The following CCDC18 variants were observed in gnomAD, a reference collection of about 807,000 sequenced individuals.
The protein encoded by CCDC18 is coiled-coil domain-containing protein 18.
CCDC18 carries 157 observed loss-of-function variants against 196.0 expected under a neutral mutation model. The observed-to-expected ratio is 0.80, with a 90% confidence interval of 0.70 to 0.91. CCDC18 has a LOEUF of 0.91. CCDC18 is among the 40% of genes least tolerant of loss of function. The pLI, the probability that CCDC18 is intolerant of heterozygous loss-of-function variation, is 0.00. For missense variants in CCDC18, 1,465 were observed against 1,611.6 expected (o/e 0.91, Z 1.56); for synonymous variants, 482 against 529.2 (o/e 0.91, Z 1.22).
intron 7 of CCDC18, among the ~76,000 whole-genome samples, chr1:93,203,283 C>G (rs1366286155): frequency 1.3e-5 from 2 of 152,074 alleles, no homozygotes; most frequent in East Asian, 3.9e-4. Context: ...ATGATTGCAT[C>G]ATGAATCAAA....
chr1:93,236,456 C>A, intron 19 of CCDC18, 66 bp downstream of exon 19: 1 of 1,465,498 alleles, frequency 6.8e-7, no homozygotes, highest in Admixed American at 2.3e-5. Flanking sequence ...GTTTTGAAAT[C>A]AGATAATGTT....
At position 93,264,779 on chromosome 1, in the gene CCDC18, G is replaced by C. The variant is rs374437948; in HGVS notation, c.3763G>C (p.Glu1255Gln). Residue 1255 changes from glutamate to glutamine, a missense_variant, in exon 27 of 29, where the codon GAA becomes CAA. Transcript: ENST00000690025. ...SQKSSVQQLN[E>Q]QLEKAKLELE... ...AAAGTCTTCTGTTCAGCAACTAAAC[G>C]AACAGTTAGAGAAGGCAAAATTGGA... is the stretch of plus-strand genomic sequence containing the variant. 8 of 1,612,894 alleles carry C rather than the reference G, an allele frequency of 5.0e-6. No homozygotes were observed. The South Asian group carries it at 8.8e-5, about 18-fold the overall frequency.
rs528346009 is a variant in CCDC18 at position 93,248,058 on chromosome 1, C to T, written c.3198+1104C>T. Reference sequence around the variant, plus strand: ...TGAGATGGAGTCTTGCTCTGTCACCCGGGCTAGAGTGCAGTGGCTTGATCT... The same window carrying T: ...TGAGATGGAGTCTTGCTCTGTCACCTGGGCTAGAGTGCAGTGGCTTGATCT... On this transcript the variant is annotated intron_variant, in intron 23 of 28. Coordinates refer to ENST00000690025, the MANE Select transcript of CCDC18 (RefSeq NM_001378204.1). 4.9e-5 allele frequency among the ~76,000 whole-genome samples: 7 copies of T among 142,710 alleles called. No individual in the cohort carries two copies. The East Asian group carries it at 8.1e-4, about 16-fold the overall frequency. The allele number at this position is 142,710 out of a possible 152,430, so 93.6% of individuals were successfully genotyped here.
chr1:93,244,470 CAT>C (rs1461937255), intron 21 of CCDC18, among the ~76,000 whole-genome samples: 1 of 152,204 alleles, frequency 6.6e-6, no homozygotes, highest in African/African-American at 2.4e-5. Context: ...AAGCCAGACA[CAT>C]GTTGCATAAT....
At chr1:93,193,786 A>G (rs1233910357) in intron 6 of CCDC18, 42 bp downstream of exon 6, 2 of 1,456,430 alleles carry the variant, frequency 1.4e-6, no homozygotes, top group Non-Finnish European at 1.8e-6. Context: ...GAAAGGGAAT[A>G]AAAGGAAATA....
intron 25 of CCDC18, among the ~76,000 whole-genome samples, chr1:93,257,673 A>G (rs1468425335): frequency 1.3e-5 from 2 of 152,132 alleles, no homozygotes; most frequent in African/African-American, 4.8e-5. Flanking sequence ...TTAGAGATAT[A>G]TTATACATTT....
At chr1:93,252,226 G>A (rs1369595235) in intron 23 of CCDC18, among the ~76,000 whole-genome samples, 1 of 152,076 alleles carries the variant, frequency 6.6e-6, no homozygotes, top group Non-Finnish European at 1.5e-5. Flanking sequence ...TTTATTTTAA[G>A]TGATGGAGTT....
At chr1:93,198,833 A>G in intron 6 of CCDC18, among the ~76,000 whole-genome samples, 1 of 152,098 alleles carries the variant, frequency 6.6e-6, no homozygotes, top group Non-Finnish European at 1.5e-5. Context: ...TTTTTTTTAC[A>G]CATGGGTCTC....
rs1429446208 is a variant in CCDC18 at position 93,246,875 on chromosome 1, G to A, written c.3119G>A (p.Gly1040Glu). ...GATATGACTATTCGTGAGCACAGAG[G>A]AGAAATGGAACAAAAAATAATTAAA... is the stretch of plus-strand genomic sequence containing the variant. ...HLDMTIREHR[G>E]EMEQKIIKLE... The change falls in exon 23 of 29, where the codon GGA becomes GAA. Residue 1040 changes from glycine to glutamate, a missense_variant. Coordinates refer to ENST00000690025, the MANE Select transcript of CCDC18 (RefSeq NM_001378204.1). The A allele has an allele frequency of 3.2e-6, 5 of 1,550,474 alleles. No homozygotes were observed. The African/African-American group carries it at 6.9e-5, about 21-fold the overall frequency.
chr1:93,190,930 T>C lies in CCDC18; in HGVS notation c.463-1070T>C, dbSNP rs966278309. On this transcript the variant is annotated intron_variant, in intron 4 of 28. Coordinates refer to ENST00000690025, the MANE Select transcript of CCDC18 (RefSeq NM_001378204.1). Reference sequence around the variant, plus strand: ...AGTCTGCCCACCATAACCACTCTGCTTCCTGTCATATCGACACTTTCCCTG... The same window carrying C: ...AGTCTGCCCACCATAACCACTCTGCCTCCTGTCATATCGACACTTTCCCTG... 8 of 797,208 alleles carry C rather than the reference T, an allele frequency of 1.0e-5. No homozygotes were observed. The African/African-American group carries it at 1.3e-4, about 13-fold the overall frequency. 49.4% of individuals were successfully genotyped at this position (797,208 alleles called of 1,614,324 possible).
Position 93,250,378 on chromosome 1 carries a change from CAAAAAAA to C in CCDC18, c.3198+3437_3198+3443del, listed in dbSNP as rs71094242. ...CCTGGGCATCAGAGTGAGACCCTGT[CAAAAAAA>C]AAAAAAAAAAAAGAAAAGAGAGAAA... On this transcript the variant is annotated intron_variant, in intron 23 of 28. Transcript: ENST00000690025. Among the ~76,000 whole-genome samples the C allele has an allele frequency of 2.0e-4, 18 of 89,434 alleles. No homozygotes were observed. The South Asian group carries it at 3.0e-3, about 15-fold the overall frequency. The allele number at this position is 89,434 out of a possible 152,430, so 58.7% of individuals were successfully genotyped here. A position where few individuals can be genotyped will look rare whatever the true frequency, so the allele number is the denominator to read the frequency against.
intron 25 of CCDC18, among the ~76,000 whole-genome samples, chr1:93,258,352 C>G (rs1238104936): frequency 1.3e-5 from 2 of 151,948 alleles, no homozygotes; most frequent in Admixed American, 1.3e-4. Context: ...GCACAGTTAG[C>G]TAAATTAGCA....
rs755523670 is a variant in CCDC18, at chr1:93,254,468, C to A, written c.3199-3C>A. 1.3e-6 allele frequency: 2 copies of A among 1,560,622 alleles called. No homozygotes were observed. The highest frequency in any genetic ancestry group is 2.3e-5 in the South Asian group (2 of 86,064). On this transcript the variant is annotated splice_region_variant and splice_polypyrimidine_tract_variant and intron_variant, in intron 23 of 28. Transcript: ENST00000690025. ...TGATACTGCTTATCTGTTTAAAATT[C>A]AGATAGAAAGTCTGAATGACAAATT...
intron 8 of CCDC18, among the ~76,000 whole-genome samples, chr1:93,206,518 G>A (rs1481591065): frequency 1.3e-5 from 2 of 152,020 alleles, no homozygotes; most frequent in South Asian, 2.1e-4. Context: ...AAATAAATTG[G>A]TTAAGATATT....
At chr1:93,189,393 T>C (rs1474905261) in intron 4 of CCDC18, among the ~76,000 whole-genome samples, 1 of 152,236 alleles carries the variant, frequency 6.6e-6, no homozygotes, top group Non-Finnish European at 1.5e-5. Flanking sequence ...CTTAGGTTGC[T>C]TCTAAATCTT....
At position 93,214,805 on chromosome 1, in the gene CCDC18, A is replaced by G; in HGVS notation, c.1558A>G (p.Arg520Gly). The change falls in exon 12 of 29, where the codon AGA becomes GGA. Residue 520 changes from arginine to glycine, a missense_variant. By Grantham distance (125) the Arg-to-Gly change is moderately radical. Transcript: ENST00000690025. ...CAAGCAATATGAAAAAGAGAGGCAAAGACTTGTTACTGGAATAGAAGAACT... is the reference window on the plus strand; with the variant it reads ...CAAGCAATATGAAAAAGAGAGGCAAGGACTTGTTACTGGAATAGAAGAACT... Reference protein sequence around the residue: ...MNKQYEKERQRLVTGIEELRT... With the variant: ...MNKQYEKERQGLVTGIEELRT... 6.2e-7 allele frequency: 1 copy of G among 1,613,434 alleles called. No homozygotes were observed. The highest frequency in any genetic ancestry group is 8.5e-7 in the Non-Finnish European group (1 of 1,179,746).
intron 10 of CCDC18, among the ~76,000 whole-genome samples, chr1:93,211,598 T>C (rs1655661661): frequency 6.6e-6 from 1 of 152,204 alleles, no homozygotes; most frequent in Non-Finnish European, 1.5e-5. Context: ...TACCGTATAC[T>C]GTGTGCAATT....
chr1:93,186,387 C>T lies in CCDC18; in HGVS notation c.346C>T (p.Leu116Phe). The T allele has an allele frequency of 6.2e-7, 1 of 1,612,048 alleles. No homozygotes were observed. The highest frequency in any genetic ancestry group is 8.5e-7 in the Non-Finnish European group (1 of 1,178,814). The change falls in exon 4 of 29, where the codon CTT becomes TTT. Residue 116 changes from leucine (L) to phenylalanine (F), a missense_variant. Physicochemically the swap from Leu to Phe is conservative, Grantham distance 22 (BLOSUM62 0). Coordinates refer to ENST00000690025, the MANE Select transcript of CCDC18 (RefSeq NM_001378204.1). ...SAPVDQEIKSLREKLNKLRQQ... is the reference protein window; with the variant it reads ...SAPVDQEIKSFREKLNKLRQQ... ...CCCTGTGGATCAGGAGATTAAAAGC[C>T]TTCGAGAGAAACTAAATAAACTTAG...
intron 6 of CCDC18, among the ~76,000 whole-genome samples, chr1:93,194,274 G>A (rs997998296): frequency 2.0e-5 from 3 of 151,992 alleles, no homozygotes; most frequent in African/African-American, 7.2e-5. Flanking sequence ...CTCTGTCCAA[G>A]GAACCATTAA....
Sources: allele counts gnomAD v4.1 joint callset (sites outside exome capture counted in the v4.1 genomes callset), GRCh38; gene constraint gnomAD v4.1.1; transcripts MANE v1.5; gene names NCBI Gene and HGNC (gene_info 2026-07-23, HGNC 2026-07-21).